PCDHA6: variants seen among roughly 807,000 people sequenced by gnomAD.
PCDHA6 encodes protocadherin alpha-6.
A neutral mutation model predicts 60.3 loss-of-function variants in PCDHA6; 55 were observed. That is an observed-to-expected ratio of 0.91 (90% CI 0.73 to 1.14). PCDHA6 has a LOEUF of 1.14. PCDHA6 is among the 50% of genes most tolerant of loss of function. PCDHA6 has a pLI of 0.00. For missense variants in PCDHA6, 1,327 were observed against 1,256.5 expected, an observed-to-expected ratio of 1.06 and a Z score of -0.85; for synonymous variants, 652 against 557.9, an observed-to-expected ratio of 1.17 and a Z score of -2.38.
chr5:140,883,777 G>T, intron 1 of PCDHA6: 3 of 1,612,364 alleles, frequency 1.9e-6, no homozygotes, highest in Non-Finnish European at 1.7e-6. Flanking sequence ...GCGAGCGTGC[G>T]CTGTCGAGCT....
intron 1 of PCDHA6, among the ~76,000 whole-genome samples, chr5:140,954,810 A>C (rs1169811573): frequency 6.6e-6 from 1 of 151,948 alleles, no homozygotes; most frequent in Non-Finnish European, 1.5e-5. Context: ...CTTTTGTTGA[A>C]ATTGCTTTAG....
Position 140,828,540 on chromosome 5 carries a change from CTG to C in PCDHA6, c.453_454del (p.Phe152SerfsTer19), listed in dbSNP as rs1769811066. ...ATTTACGAATCTAGGCTGCCAGATTCTGTGTTTCCACTGGAGGGCGCGTCCGA... is the reference window on the plus strand; with the variant it reads ...ATTTACGAATCTAGGCTGCCAGATTCTGTTTCCACTGGAGGGCGCGTCCGA... On this transcript the variant is annotated frameshift_variant, in exon 1 of 4. Coordinates refer to ENST00000529310, the MANE Select transcript of PCDHA6 (RefSeq NM_018909.4). LOFTEE classifies it high-confidence loss of function. 1 of 1,614,252 alleles carries C rather than the reference CTG, an allele frequency of 6.2e-7. No homozygotes were observed. The highest frequency in any genetic ancestry group is 2.2e-5 in the East Asian group (1 of 44,892).
chr5:140,961,638 A>G (rs1428621389), intron 1 of PCDHA6, among the ~76,000 whole-genome samples: 1 of 152,200 alleles, frequency 6.6e-6, no homozygotes, highest in Non-Finnish European at 1.5e-5. Flanking sequence ...AACAATCTTA[A>G]GTCTATGTGG....
At chr5:140,842,412 A>T in intron 1 of PCDHA6, 1 of 1,613,004 alleles carries the variant, frequency 6.2e-7, no homozygotes, top group East Asian at 2.2e-5. Context: ...GAAGACGCTC[A>T]ATTTGGTACT....
At chr5:140,920,323 T>C (rs1448405138) in intron 1 of PCDHA6, among the ~76,000 whole-genome samples, 3 of 152,212 alleles carry the variant, frequency 2.0e-5, no homozygotes, top group Non-Finnish European at 4.4e-5. Context: ...AAATTATATA[T>C]TTATGGCATT....
intron 1 of PCDHA6, among the ~76,000 whole-genome samples, chr5:140,919,232 T>G (rs1178591658): frequency 3.9e-5 from 6 of 152,246 alleles, no homozygotes; most frequent in African/African-American, 1.4e-4. Flanking sequence ...CTAGTAACAC[T>G]TTTTGTCTTG....
At chr5:140,941,202 C>CCTTTCTTCCTTCCTTTCTTTCTTT (rs1394736170) in intron 1 of PCDHA6, among the ~76,000 whole-genome samples, 4 of 122,742 alleles carry the variant, frequency 3.3e-5, no homozygotes, top group African/African-American at 5.9e-5. Context: ...TTTCTTTCTT[C>CCTTTCTTCCTTCCTTTCTTTCTTT]CTTTCTTTCT....
Position 140,829,654 on chromosome 5 carries a change from G to T in PCDHA6, c.1563G>T (p.Gln521His). 1 of 1,612,542 alleles carries T rather than the reference G, an allele frequency of 6.2e-7. No individual in the cohort carries two copies. The highest frequency in any genetic ancestry group is 8.5e-7 in the Non-Finnish European group (1 of 1,179,820). ...HAESGKVYAL[Q>H]PLDHEELELL... The stretch of plus-strand genomic sequence containing the variant: ...AGAGCGGCAAGGTGTACGCGCTGCA[G>T]CCGCTGGACCACGAGGAGCTAGAGC... Residue 521 changes from glutamine to histidine, a missense_variant, in exon 1 of 4, where the codon CAG becomes CAT. By Grantham distance (24) the Gln-to-His change is conservative (BLOSUM62 0). Coordinates refer to ENST00000529310, the MANE Select transcript of PCDHA6 (RefSeq NM_018909.4).
In PCDHA6 at chr5:140,922,940, G is replaced by A. The variant is rs138846807; in HGVS notation, c.2395-56009G>A. 4.7e-3 allele frequency among the ~76,000 whole-genome samples: 717 copies of A among 152,280 alleles called. 4 individuals carry two copies. Among genetic ancestry groups the A allele is most frequent in the Middle Eastern group, 0.021 (6 of 292 alleles). On this transcript the variant is annotated intron_variant, in intron 1 of 3. Coordinates refer to ENST00000529310, the MANE Select transcript of PCDHA6 (RefSeq NM_018909.4). Reference sequence around the variant, plus strand: ...ACTTCAGACTTTTACTTCCAGCAATGGAAATCCAGTTTGTCTTCAGCCAGT... The same window carrying A: ...ACTTCAGACTTTTACTTCCAGCAATAGAAATCCAGTTTGTCTTCAGCCAGT...
intron 3 of PCDHA6, among the ~76,000 whole-genome samples, chr5:141,005,068 A>C (rs1314916800): frequency 6.6e-6 from 1 of 152,256 alleles, no homozygotes. Flanking sequence ...GCATTGTGCT[A>C]AGGATCAAGC....
chr5:140,983,059 C>G (rs1325414567), intron 3 of PCDHA6, among the ~76,000 whole-genome samples: 1 of 151,980 alleles, frequency 6.6e-6, no homozygotes, highest in African/African-American at 2.4e-5. Flanking sequence ...TTATCGGAAC[C>G]AAGGCATTGT....
At chr5:140,867,729 A>C (rs1274161997) in intron 1 of PCDHA6, 1 of 152,106 alleles carries the variant, frequency 6.6e-6, no homozygotes, top group Non-Finnish European at 1.5e-5. Context: ...AAAGACAAAG[A>C]AAATTCAAGC....
At chr5:140,928,656 T>C in intron 1 of PCDHA6, 1 of 1,614,232 alleles carries the variant, frequency 6.2e-7, no homozygotes, top group Middle Eastern at 1.6e-4. Flanking sequence ...CAGAGGATGC[T>C]GACAGTGGTT....
intron 1 of PCDHA6, among the ~76,000 whole-genome samples, chr5:140,958,548 A>C (rs185504563): frequency 6.6e-6 from 1 of 152,180 alleles, no homozygotes; most frequent in African/African-American, 2.4e-5. Context: ...TTATGAACCA[A>C]TAAATGTTTC....
rs2150202220 is a variant in PCDHA6, at chr5:140,844,684, A to G, written c.2394+14199A>G. 1.3e-5 allele frequency among the ~76,000 whole-genome samples: 2 copies of G among 149,834 alleles called. 1 individual carries two copies. Among genetic ancestry groups the G allele is most frequent in the East Asian group, 3.9e-4 (2 of 5,172 alleles). On this transcript the variant is annotated intron_variant, in intron 1 of 3. Coordinates refer to ENST00000529310, the MANE Select transcript of PCDHA6 (RefSeq NM_018909.4). ...AACATATAATTTATAAATCCTTATT[A>G]TACAGAATATTTGGGATTATCATGG...
At chr5:140,943,019 G>A (rs1554215345) in intron 1 of PCDHA6, among the ~76,000 whole-genome samples, 1 of 152,068 alleles carries the variant, frequency 6.6e-6, no homozygotes, top group Non-Finnish European at 1.5e-5. Flanking sequence ...CACTTTGGGA[G>A]GCTGAGGTGG....
At chr5:140,882,407 C>A (rs368121978) in intron 1 of PCDHA6, 48 of 1,614,006 alleles carry the variant, frequency 3.0e-5, no homozygotes, top group Non-Finnish European at 1.3e-5. Flanking sequence ...CTTCGTGGGC[C>A]GCATCGCTCA....
At chr5:141,003,328 G>C (rs941196932) in intron 3 of PCDHA6, among the ~76,000 whole-genome samples, 1 of 152,102 alleles carries the variant, frequency 6.6e-6, no homozygotes, top group Admixed American at 6.5e-5. Flanking sequence ...AGAGGGCAGG[G>C]TTTTTTGTTT....
chr5:140,888,067 T>G (rs1392142536), intron 1 of PCDHA6, among the ~76,000 whole-genome samples: 1 of 152,224 alleles, frequency 6.6e-6, no homozygotes, highest in Admixed American at 6.5e-5. Context: ...CTTTCTTGTC[T>G]GCTAATTTCA....
Sources: gnomAD v4.1 joint callset for allele counts (sites outside exome capture counted in the v4.1 genomes callset) on GRCh38, gnomAD v4.1.1 for gene constraint, MANE v1.5 for transcripts, NCBI Gene and HGNC (gene_info 2026-07-23, HGNC 2026-07-21) for gene names.